PODXL: variants seen among roughly 807,000 people sequenced by gnomAD.
PODXL encodes podocalyxin.
In PODXL, 20 loss-of-function variants were observed where a neutral mutation model predicts 48.9. The observed-to-expected ratio is 0.41, with a 90% CI of 0.29 to 0.59. The LOEUF (loss-of-function observed/expected upper bound fraction) is 0.59. Among genes scored for constraint, PODXL ranks in the 20% least tolerant of loss-of-function variants. The pLI, the probability that PODXL is intolerant of heterozygous loss-of-function variation, is 0.31. For synonymous variants in PODXL, 295 were observed against 287.4 expected (o/e 1.03, Z -0.27); for missense variants, 606 against 675.1 (o/e 0.90, Z 1.13).
chr7:131,538,246 G>A (rs1798416678), intron 1 of PODXL, among the ~76,000 whole-genome samples: 1 of 152,058 alleles, frequency 6.6e-6, no homozygotes, highest in Admixed American at 6.5e-5. Flanking sequence ...GCCCCACTCC[G>A]TTGTGTGTCC....
intron 1 of PODXL, 112 bp from the exon 2 acceptor site, chr7:131,511,545 T>C: frequency 9.2e-7 from 1 of 1,087,630 alleles, no homozygotes; most frequent in East Asian, 2.4e-5. Context: ...GCTGTCTGCC[T>C]TGCTAAAGGC....
At chr7:131,524,373 CACACACAGAGAG>C (rs1200235554) in intron 1 of PODXL, among the ~76,000 whole-genome samples, 3 of 31,276 alleles carry the variant, frequency 9.6e-5, no homozygotes, top group African/African-American at 1.9e-4. Context: ...CACACACACA[CACACACAGAGAG>C]AGAGAGAGAG....
chr7:131,510,950 G>A lies in PODXL; in HGVS notation c.584C>T (p.Thr195Met), dbSNP rs201547862. The change falls in exon 2 of 9, where the codon ACG becomes ATG. Residue 195 changes from threonine (T) to methionine (M), a missense_variant. Physicochemically the swap from Thr to Met is moderately conservative, Grantham distance 81. Transcript: ENST00000378555. Reference protein sequence around the residue: ...SPLSPRQPTSTHPVATPTSSG... With the variant: ...SPLSPRQPTSMHPVATPTSSG... ...GCTTGTTGGGGTGGCCACAGGATGC[G>A]TCGAAGTGGGTTGTCGGGGGCTAAG... The A allele has an allele frequency of 1.3e-4, 205 of 1,614,144 alleles. No homozygotes were observed. The East Asian group carries it at 2.4e-3, about 19-fold the overall frequency.
intron 1 of PODXL, chr7:131,520,448 T>A (rs923925425): frequency 1.9e-4 from 48 of 250,664 alleles, no homozygotes; most frequent in African/African-American, 1.1e-3. Flanking sequence ...TATACTTTGG[T>A]TACCCACGTG....
At chr7:131,508,810 T>C in intron 5 of PODXL, 141 bp downstream of exon 5, 2 of 703,858 alleles carry the variant, frequency 2.8e-6, no homozygotes, top group Non-Finnish European at 5.1e-6. Flanking sequence ...CACTTCCTAC[T>C]AGGAAGAAAT....
At chr7:131,514,239 C>T (rs1797958396) in intron 1 of PODXL, among the ~76,000 whole-genome samples, 1 of 152,210 alleles carries the variant, frequency 6.6e-6, no homozygotes, top group Non-Finnish European at 1.5e-5. Flanking sequence ...CATTGTGAAA[C>T]TTCATCTCTA....
chr7:131,525,520 G>A (rs1412470302), intron 1 of PODXL, among the ~76,000 whole-genome samples: 1 of 150,390 alleles, frequency 6.6e-6, no homozygotes, highest in East Asian at 1.9e-4. Context: ...AGGACCGCTT[G>A]AACTGGGAGG....
chr7:131,552,708 C>T lies in PODXL; in HGVS notation c.100+3552G>A, dbSNP rs189447816. 1.2e-3 allele frequency among the ~76,000 whole-genome samples: 190 copies of T among 152,238 alleles called. 1 individual carries two copies. The highest frequency in any genetic ancestry group is 8.3e-4 in the South Asian group (4 of 4,826). On this transcript the variant is annotated intron_variant, in intron 1 of 8. Coordinates refer to ENST00000378555, the MANE Select transcript of PODXL (RefSeq NM_001018111.3). ...GGCTGGGCTCCTAACCCCGCCATGT[C>T]CAGCTCGCTCCTGCCTCAGATCCTG... is the stretch of plus-strand genomic sequence containing the variant.
intron 1 of PODXL, among the ~76,000 whole-genome samples, chr7:131,551,830 G>C (rs750954452): frequency 2.0e-5 from 3 of 151,964 alleles, no homozygotes; most frequent in Non-Finnish European, 4.4e-5. Flanking sequence ...CTAGCTATTC[G>C]GGAGGCTGAG....
At chr7:131,555,389 C>T (rs1435325134) in intron 1 of PODXL, among the ~76,000 whole-genome samples, 1 of 152,188 alleles carries the variant, frequency 6.6e-6, no homozygotes, top group Admixed American at 6.5e-5. Context: ...CATCGCCTGT[C>T]CCCCAAAAGG....
intron 1 of PODXL, among the ~76,000 whole-genome samples, chr7:131,539,334 T>C (rs1249345470): frequency 6.6e-6 from 1 of 152,192 alleles, no homozygotes. Flanking sequence ...TTAGAATGTA[T>C]AAGCTCTTTT....
At chr7:131,531,819 T>G (rs1490647524) in intron 1 of PODXL, among the ~76,000 whole-genome samples, 1 of 152,178 alleles carries the variant, frequency 6.6e-6, no homozygotes, top group African/African-American at 2.4e-5. Context: ...AAGTTAATAA[T>G]CACACATTCC....
rs1797697164 is a variant in PODXL at position 131,501,199 on chromosome 7, A to C, written c.*3112T>G. The C allele has an allele frequency of 6.6e-6, 1 of 152,624 alleles. No homozygotes were observed. Among genetic ancestry groups the C allele is most frequent in the African/African-American group, 2.4e-5 (1 of 41,448 alleles). The allele number at this position is 152,624 out of a possible 1,614,324, so 9.5% of individuals were successfully genotyped here. A position where few individuals can be genotyped will look rare whatever the true frequency, so the allele number is the denominator to read the frequency against. On this transcript the variant is annotated 3_prime_UTR_variant, in exon 9 of 9. Coordinates refer to ENST00000378555, the MANE Select transcript of PODXL (RefSeq NM_001018111.3). ...ATTTTTTGTTTAAAAAAAAAAATCA[A>C]GCAAAAACTTGTCATTTCCAGTAAG...
intron 1 of PODXL, among the ~76,000 whole-genome samples, chr7:131,538,690 C>G (rs988923366): frequency 2.6e-5 from 4 of 152,140 alleles, no homozygotes; most frequent in Admixed American, 2.0e-4. Context: ...CACCCCTGCC[C>G]GCTCTGGTTC....
rs777199883 is a variant in PODXL at position 131,504,395 on chromosome 7, G to T, written c.1593C>A (p.Asn531Lys). ...CGATCCAGCTGTCCCCCAGCTCCCC[G>T]TTGAGGCTGACCACCTTCTTCTCCT... Reference protein sequence around the residue: ...EMQEKKVVSLNGELGDSWIVP... With the variant: ...EMQEKKVVSLKGELGDSWIVP... Residue 531 changes from asparagine to lysine, a missense_variant, in exon 9 of 9, where the codon AAC (asparagine) becomes AAA (lysine). Asn to Lys is a moderately conservative substitution (Grantham distance 94, BLOSUM62 0). Coordinates refer to ENST00000378555, the MANE Select transcript of PODXL (RefSeq NM_001018111.3). 2 of 1,614,164 alleles carry T rather than the reference G, an allele frequency of 1.2e-6. No homozygotes were observed. Among genetic ancestry groups the T allele is most frequent in the African/African-American group, 1.3e-5 (1 of 75,022 alleles).
At chr7:131,506,356 C>G in intron 6 of PODXL, 35 bp from the exon 7 acceptor site, 2 of 1,610,382 alleles carry the variant, frequency 1.2e-6, no homozygotes, top group Non-Finnish European at 1.7e-6. Flanking sequence ...AATGGCCCAG[C>G]CCAGAGCGAG....
chr7:131,507,541 A>G (rs1040570016), intron 5 of PODXL, among the ~76,000 whole-genome samples: 10 of 152,172 alleles, frequency 6.6e-5, no homozygotes, highest in Non-Finnish European at 1.5e-4. Context: ...GACTCTAGGG[A>G]TAGCTTAGCA....
chr7:131,511,465 G>C (rs1296357852), intron 1 of PODXL, 32 bp from the exon 2 acceptor site: 2 of 1,596,284 alleles, frequency 1.3e-6, no homozygotes, highest in Non-Finnish European at 8.5e-7. Context: ...AATGGAGTTA[G>C]GGCTGGGAGG....
At chr7:131,537,975 G>A (rs1488311350) in intron 1 of PODXL, among the ~76,000 whole-genome samples, 1 of 152,194 alleles carries the variant, frequency 6.6e-6, no homozygotes. Context: ...GCTGCTGATG[G>A]GCATTTGGGC....
Sources: allele counts gnomAD v4.1 joint callset (sites outside exome capture counted in the v4.1 genomes callset), GRCh38; gene constraint gnomAD v4.1.1; transcripts MANE v1.5; gene names NCBI Gene and HGNC (gene_info 2026-07-23, HGNC 2026-07-21).